The following MSH6 variants were observed in gnomAD, a reference collection of about 807,000 sequenced individuals.
The protein encoded by MSH6 is DNA mismatch repair protein Msh6.
A neutral mutation model predicts 119.1 loss-of-function variants in MSH6; 85 were observed. That is an observed-to-expected ratio of 0.71 (90% CI 0.60 to 0.85). The LOEUF (loss-of-function observed/expected upper bound fraction) is 0.85, where lower values mean the gene tolerates loss of function less well. MSH6 is among the 40% of genes least tolerant of loss of function. MSH6 has a pLI of 0.00. For missense variants in MSH6, 2,163 were observed against 1,655.3 expected, an observed-to-expected ratio of 1.31 and a Z score of -5.32; for synonymous variants, 830 against 586.9, an observed-to-expected ratio of 1.41 and a Z score of -5.99.
In MSH6 at chr2:47,791,028, G is replaced by A. The variant is rs769279475; in HGVS notation, c.362G>A (p.Arg121His). 27 of 1,614,090 alleles carry A rather than the reference G, an allele frequency of 1.7e-5. No homozygotes were observed. The highest frequency in any genetic ancestry group is 3.4e-6 in the Non-Finnish European group (4 of 1,180,036). ...CACCCCTTTGATGGAACATTCATCC[G>A]CGAGAAAGGGAAATCAGTCCGTGTT... ...YNHPFDGTFI[R>H]EKGKSVRVHV... Residue 121 changes from arginine (R) to histidine (H), a missense_variant, in exon 2 of 10, where the codon CGC becomes CAC. By Grantham distance (29) the Arg-to-His change is conservative (BLOSUM62 0). Coordinates refer to ENST00000234420, the MANE Select transcript of MSH6 (RefSeq NM_000179.3).
chr2:47,789,284 TA>T (rs1173641130), intron 1 of MSH6: 1 of 367,972 alleles, frequency 2.7e-6, no homozygotes, highest in African/African-American at 2.2e-5. Context: ...TGTAATGGTA[TA>T]TAAAGGATAA....
chr2:47,784,181 A>G, intron 1 of MSH6: 2 of 998,406 alleles, frequency 2.0e-6, no homozygotes, highest in East Asian at 8.0e-5. Flanking sequence ...CGCGGGGCCT[A>G]ATTGGGCGGG....
At chr2:47,798,029 T>C in intron 3 of MSH6, 1 of 214,172 alleles carries the variant, frequency 4.7e-6, no homozygotes, top group South Asian at 8.7e-5. Context: ...AGAGAATCCT[T>C]GCCCTTCTTG....
Position 47,799,900 on chromosome 2 carries a change from GGAA to G in MSH6, c.1921_1923del (p.Glu641del), listed in dbSNP as rs786203970. ...CCAAAACTTTGAGAACTCTCCTTGAGGAAGAATATTTTAGGGAAAAGCTAAGTG... is the reference window on the plus strand; with the variant it reads ...CCAAAACTTTGAGAACTCTCCTTGAGGAATATTTTAGGGAAAAGCTAAGTG... On this transcript the variant is annotated inframe_deletion, in exon 4 of 10. Transcript: ENST00000234420. The G allele has an allele frequency of 2.5e-6, 4 of 1,614,180 alleles. No individual in the cohort carries two copies. In the Admixed American group the frequency reaches 5.0e-5, roughly 20 times the overall value.
rs760406178 is a variant in MSH6 at position 47,800,808 on chromosome 2, C to A, written c.2825C>A (p.Ala942Asp). ...GACTCTGATTATGACCAAGCTCTTG[C>A]TGACATAAGAGAAAATGAACAGAGC... ...GFDSDYDQAL[A>D]DIRENEQSLL... The change falls in exon 4 of 10, where the codon GCT (alanine) becomes GAT (aspartate). Residue 942 changes from alanine (A) to aspartate (D), a missense_variant. By Grantham distance (126) the Ala-to-Asp change is moderately radical. Coordinates refer to ENST00000234420, the MANE Select transcript of MSH6 (RefSeq NM_000179.3). The A allele has an allele frequency of 4.3e-6, 7 of 1,614,088 alleles. No individual in the cohort carries two copies. In the South Asian group the frequency reaches 6.6e-5, roughly 15 times the overall value.
chr2:47,783,967 G>T, intron 1 of MSH6: 1 of 1,038,888 alleles, frequency 9.6e-7, no homozygotes, highest in Non-Finnish European at 1.2e-6. Context: ...GTCCGGTGGT[G>T]TGGGGTGCGA....
intron 2 of MSH6, among the ~76,000 whole-genome samples, chr2:47,791,675 C>CTTTTTTT (rs575880393): frequency 7.5e-6 from 1 of 132,504 alleles, no homozygotes; most frequent in Non-Finnish European, 1.6e-5. Context: ...CTCTTTCTTT[C>CTTTTTTT]TTTTTTTTTT....
chr2:47,790,871 C>T (rs966036521), intron 1 of MSH6, 56 bp from the exon 2 acceptor site: 1 of 1,536,152 alleles, frequency 6.5e-7, no homozygotes, highest in Non-Finnish European at 9.0e-7. Context: ...AGGTAACTGC[C>T]TTTAAGGAAA....
intron 2 of MSH6, among the ~76,000 whole-genome samples, chr2:47,793,400 C>G (rs1009099057): frequency 6.9e-6 from 1 of 145,076 alleles, no homozygotes; most frequent in Non-Finnish European, 1.5e-5. Context: ...GAGGCCCAGG[C>G]GGGTGGATCA....
rs765012437 is a variant in MSH6 at position 47,800,549 on chromosome 2, A to G, written c.2566A>G (p.Ile856Val). ...AACTACATACAGCAAGAAGAAGATT[A>G]TTGATTTTCTTTCTGCTCTGGAAGG... Reference protein sequence around the residue: ...EETTYSKKKIIDFLSALEGFK... With the variant: ...EETTYSKKKIVDFLSALEGFK... The change falls in exon 4 of 10, where the codon ATT becomes GTT. Residue 856 changes from isoleucine (I) to valine (V), a missense_variant. Transcript: ENST00000234420. 1 of 1,613,664 alleles carries G rather than the reference A, an allele frequency of 6.2e-7. No homozygotes were observed. Among genetic ancestry groups the G allele is most frequent in the Non-Finnish European group, 8.5e-7 (1 of 1,179,968 alleles).
downstream of MSH6, chr2:47,808,281 TG>T: frequency 1.2e-6 from 2 of 1,612,528 alleles, no homozygotes; most frequent in Non-Finnish European, 1.7e-6. Context: ...ATTAGAAAAG[TG>T]AGGGGGAAAG....
intron 6 of MSH6, 111 bp from the exon 7 acceptor site, chr2:47,805,507 A>T: frequency 2.5e-6 from 2 of 810,828 alleles, no homozygotes; most frequent in Non-Finnish European, 4.3e-6. Flanking sequence ...AATGAGATTT[A>T]ATCTTTTATA....
intron 4 of MSH6, 31 bp downstream of exon 4, chr2:47,801,186 T>A (rs1453474057): frequency 6.2e-7 from 1 of 1,603,834 alleles, no homozygotes; most frequent in South Asian, 1.1e-5. Context: ...GTTCTCAGGC[T>A]TTGATAAGTA....
At chr2:47,805,158 T>G in intron 6 of MSH6, 131 bp downstream of exon 6, 1 of 721,592 alleles carries the variant, frequency 1.4e-6, no homozygotes, top group Non-Finnish European at 2.5e-6. Flanking sequence ...AACATCACTT[T>G]TTAAGAACTG....
chr2:47,788,946 T>TTTTTTTTTTTTG (rs1553409740), intron 1 of MSH6, among the ~76,000 whole-genome samples: 5 of 115,830 alleles, frequency 4.3e-5, no homozygotes, highest in Non-Finnish European at 8.7e-5. Context: ...TTTTTTTTTT[T>TTTTTTTTTTTTG]TGTGAGACGG....
chr2:47,784,298 C>T, intron 1 of MSH6: 1 of 930,360 alleles, frequency 1.1e-6, no homozygotes. Flanking sequence ...TGTGGAAATT[C>T]GTGTCGAGTG....
At position 47,796,032 on chromosome 2, in the gene MSH6, C is replaced by T. The variant is rs587782315; in HGVS notation, c.596C>T (p.Pro199Leu). 14 of 1,613,786 alleles carry T rather than the reference C, an allele frequency of 8.7e-6. No homozygotes were observed. Among genetic ancestry groups the T allele is most frequent in the Non-Finnish European group, 1.1e-5 (13 of 1,179,984 alleles). ...KRLELAVCDE[P>L]SEPEEEEEME... is the part of the protein sequence containing the mutation. ...CTTGAATTGGCAGTTTGTGATGAGC[C>T]CTCAGAGCCAGAAGAGGAAGAAGAG... is the stretch of plus-strand genomic sequence containing the variant. Residue 199 changes from proline (P) to leucine (L), a missense_variant, in exon 3 of 10, where the codon CCC becomes CTC. By Grantham distance (98) the Pro-to-Leu change is moderately conservative (BLOSUM62 -3). Transcript: ENST00000234420.
Position 47,806,859 on chromosome 2 carries a change from A to G in MSH6, c.4082A>G (p.Ter1361TrpextTer29), listed in dbSNP as rs907892681. The stretch of plus-strand genomic sequence containing the variant: ...TTGCTGACTTTGATTAAGGAATTAT[A>G]GACTGACTACATTGGAAGCTTTGAG... ...HKLLTLIKEL* is the reference protein window; with the variant it reads ...HKLLTLIKELW Residue 1361 changes from the stop codon to tryptophan (W), a stop_lost, in exon 10 of 10, where the codon TAG becomes TGG. Coordinates refer to ENST00000234420, the MANE Select transcript of MSH6 (RefSeq NM_000179.3). 1 of 1,607,812 alleles carries G rather than the reference A, an allele frequency of 6.2e-7. No individual in the cohort carries two copies. The highest frequency in any genetic ancestry group is 8.5e-7 in the Non-Finnish European group (1 of 1,174,822).
chr2:47,795,348 A>G (rs1325614756), intron 2 of MSH6, among the ~76,000 whole-genome samples: 1 of 151,930 alleles, frequency 6.6e-6, no homozygotes, highest in African/African-American at 2.4e-5. Flanking sequence ...GGCATAACAA[A>G]TTATACTTGT....
Sources: allele counts gnomAD v4.1 joint callset (sites outside exome capture counted in the v4.1 genomes callset), GRCh38; gene constraint gnomAD v4.1.1; transcripts MANE v1.5; gene names NCBI Gene and HGNC (gene_info 2026-07-23, HGNC 2026-07-21).